Variants in APBA2 observed in about 807,000 individuals in gnomAD.
APBA2 encodes amyloid-beta A4 precursor protein-binding family A member 2.
A neutral mutation model predicts 75.0 loss-of-function variants in APBA2; 30 were observed. The observed-to-expected ratio is 0.40, with a 90% CI of 0.30 to 0.54. The LOEUF (loss-of-function observed/expected upper bound fraction) is 0.54, where lower values mean the gene tolerates loss of function less well. Ranked by LOEUF, APBA2 falls within the 20% of genes least tolerant of loss-of-function variation. The pLI is 0.49. For missense variants in APBA2, 801 were observed against 1,016.1 expected (o/e 0.79, Z 2.88); for synonymous variants, 444 against 409.6 (o/e 1.08, Z -1.01).
chr15:29,000,372 C>CATTGTT (rs1198856294), intron 3 of APBA2, among the ~76,000 whole-genome samples: 2 of 152,158 alleles, frequency 1.3e-5, no homozygotes, highest in Admixed American at 6.5e-5. Context: ...AGGTTTGCTA[C>CATTGTT]ATTGTTTTCT....
intron 3 of APBA2, among the ~76,000 whole-genome samples, chr15:29,002,483 G>C (rs1349512718): frequency 1.3e-5 from 2 of 151,960 alleles, no homozygotes; most frequent in Non-Finnish European, 2.9e-5. Context: ...AGGACTCCTA[G>C]CAGTGGTGGC....
rs1271895163 is a variant in APBA2 at position 29,087,807 on chromosome 15, C to T, written c.1070-5268C>T. Among the ~76,000 whole-genome samples the T allele has an allele frequency of 2.0e-5, 3 of 152,310 alleles. No individual in the cohort carries two copies. The East Asian group carries it at 5.8e-4, about 29-fold the overall frequency. ...CTGCTGATCTGGTGGCTCGCCTCCT[C>T]CCAGTCCTGTCCTGCCCCATTAGAG... On this transcript the variant is annotated intron_variant, in intron 6 of 14. Transcript: ENST00000683413.
chr15:29,094,353 T>C (rs1357922899), intron 8 of APBA2, 40 bp downstream of exon 8: 4 of 1,608,538 alleles, frequency 2.5e-6, no homozygotes, highest in Admixed American at 1.7e-5. Flanking sequence ...TGTTGTTTGC[T>C]TGTGTTTCCG....
chr15:28,938,408 G>C (rs1015722746), intron 2 of APBA2, among the ~76,000 whole-genome samples: 3 of 152,192 alleles, frequency 2.0e-5, no homozygotes, highest in African/African-American at 7.2e-5. Flanking sequence ...TTTCCTGTTT[G>C]ATGCTGACTT....
At chr15:28,923,253 A>T (rs2034073054) in intron 2 of APBA2, among the ~76,000 whole-genome samples, 1 of 151,928 alleles carries the variant, frequency 6.6e-6, no homozygotes, top group African/African-American at 2.4e-5. Context: ...CTCCCCATAG[A>T]TTACCACTTC....
chr15:29,108,152 C>T (rs2044529424), intron 12 of APBA2, 118 bp from the exon 13 acceptor site: 16 of 1,462,410 alleles, frequency 1.1e-5, no homozygotes, highest in South Asian at 1.0e-4. Flanking sequence ...GACTGCCTGC[C>T]TCTCCCATTG....
chr15:29,043,991 T>C (rs2041180518), intron 3 of APBA2, among the ~76,000 whole-genome samples: 2 of 152,230 alleles, frequency 1.3e-5, no homozygotes, highest in Admixed American at 1.3e-4. Context: ...TCATGTATAG[T>C]GTATAGTGAA....
At chr15:29,012,931 A>G (rs1425988047) in intron 3 of APBA2, among the ~76,000 whole-genome samples, 2 of 152,182 alleles carry the variant, frequency 1.3e-5, no homozygotes, top group Admixed American at 6.5e-5. Flanking sequence ...TGACGAGAAA[A>G]GCAGCACAGA....
chr15:29,017,176 G>A (rs192990471), intron 3 of APBA2, among the ~76,000 whole-genome samples: 2 of 152,186 alleles, frequency 1.3e-5, no homozygotes, highest in Non-Finnish European at 2.9e-5. Flanking sequence ...CTGAAGGGCT[G>A]TGGTGGGAAG....
At chr15:29,067,396 G>C (rs1218877111) in intron 4 of APBA2, among the ~76,000 whole-genome samples, 1 of 152,172 alleles carries the variant, frequency 6.6e-6, no homozygotes, top group East Asian at 1.9e-4. Context: ...GTGGTCGTGA[G>C]GCGGTGGGTC....
chr15:28,988,805 G>T (rs1208577081), intron 2 of APBA2, among the ~76,000 whole-genome samples: 1 of 152,196 alleles, frequency 6.6e-6, no homozygotes, highest in Non-Finnish European at 1.5e-5. Flanking sequence ...AGTATATTTA[G>T]CAAGGATTGG....
rs979603952 is a variant in APBA2, at chr15:29,054,842, C to A, written c.951+7C>A. On this transcript the variant is annotated splice_region_variant and intron_variant, in intron 4 of 14. Coordinates refer to ENST00000683413, the MANE Select transcript of APBA2 (RefSeq NM_001353788.2). This position sits in a 1 kb window ranked among gnomAD's most constrained non-coding sequence, Gnocchi z 6.1. ...GAAGTGGCCCCACGAGCAGGTAGGACCCTGGCTGTCCTGGGGAAGGGAGCA... is the reference window on the plus strand; with the variant it reads ...GAAGTGGCCCCACGAGCAGGTAGGAACCTGGCTGTCCTGGGGAAGGGAGCA... The A allele has an allele frequency of 6.3e-7, 1 of 1,594,616 alleles. No homozygotes were observed. The highest frequency in any genetic ancestry group is 1.3e-5 in the African/African-American group (1 of 74,924).
intron 10 of APBA2, among the ~76,000 whole-genome samples, chr15:29,103,202 A>G (rs2044219104): frequency 6.6e-6 from 1 of 152,198 alleles, no homozygotes; most frequent in Non-Finnish European, 1.5e-5. Context: ...AGAGTTTCCA[A>G]GGGGCACTGA....
chr15:28,997,986 T>A (rs543926098), intron 3 of APBA2, among the ~76,000 whole-genome samples: 1 of 152,306 alleles, frequency 6.6e-6, no homozygotes, highest in African/African-American at 2.4e-5. Context: ...TGGATATTTT[T>A]AAATGCCAAT....
At chr15:28,986,348 T>G (rs2037928078) in intron 2 of APBA2, among the ~76,000 whole-genome samples, 1 of 152,188 alleles carries the variant, frequency 6.6e-6, no homozygotes, top group African/African-American at 2.4e-5. Flanking sequence ...CGCTGGCTGG[T>G]CACTTCCTGT....
chr15:28,913,175 C>T (rs2033511469), intron 1 of APBA2, among the ~76,000 whole-genome samples: 1 of 152,178 alleles, frequency 6.6e-6, no homozygotes, highest in African/African-American at 2.4e-5. Flanking sequence ...TCAGGCTGCT[C>T]AGTAGCTGAG....
At chr15:29,075,849 T>G (rs781299236) in intron 5 of APBA2, among the ~76,000 whole-genome samples, 1 of 152,090 alleles carries the variant, frequency 6.6e-6, no homozygotes, top group Non-Finnish European at 1.5e-5. Context: ...AAGTTTTAGA[T>G]GATGGGCTTT....
rs1567019222 is a variant in APBA2, at chr15:29,105,464, A to G, written c.1610A>G (p.Asp537Gly). The change falls in exon 11 of 15, where the codon GAC becomes GGC. Residue 537 changes from aspartate to glycine, a missense_variant. Asp to Gly is a moderately conservative substitution (Grantham distance 94). Around this residue, in one of 2 missense-constraint regions of APBA2, gnomAD observed 367 missense variants for 544.5 expected, o/e 0.67. Transcript: ENST00000683413. ...FLRANGINPEDLSQKEYSDII... is the reference protein window; with the variant it reads ...FLRANGINPEGLSQKEYSDII... Reference sequence around the variant, plus strand: ...CGAGCCAATGGCATCAACCCCGAAGACTTGAGCCAGAAGGAATACAGCGAC... The same window carrying G: ...CGAGCCAATGGCATCAACCCCGAAGGCTTGAGCCAGAAGGAATACAGCGAC... The G allele has an allele frequency of 6.2e-7, 1 of 1,613,944 alleles. No individual in the cohort carries two copies. The highest frequency in any genetic ancestry group is 2.2e-5 in the East Asian group (1 of 44,878).
intron 2 of APBA2, among the ~76,000 whole-genome samples, chr15:28,987,753 T>TATATA (rs1479386386): frequency 5.9e-5 from 8 of 136,460 alleles, no homozygotes; most frequent in South Asian, 2.6e-4. Context: ...TATATATATA[T>TATATA]TCTTTTTTTT....
Sources: gnomAD v4.1 joint callset for allele counts (sites outside exome capture counted in the v4.1 genomes callset) on GRCh38, gnomAD v4.1.1 for gene constraint, gnomAD v4.1.1 regional missense constraint, Gnocchi (gnomAD v3.1) non-coding constraint, MANE v1.5 for transcripts, NCBI Gene and HGNC (gene_info 2026-07-23, HGNC 2026-07-21) for gene names.